Variants in SCAI observed in about 807,000 individuals in gnomAD.
The protein encoded by SCAI is protein SCAI.
SCAI carries 24 observed loss-of-function variants against 92.2 expected under a neutral mutation model. The observed-to-expected ratio is 0.26, with a 90% CI of 0.19 to 0.37. The LOEUF (loss-of-function observed/expected upper bound fraction) is 0.37, where lower values mean the gene tolerates loss of function less well. Among genes scored for constraint, SCAI ranks in the 10% least tolerant of loss-of-function variants. SCAI has a pLI of 1.00. For synonymous variants in SCAI, 261 were observed against 258.6 expected, an observed-to-expected ratio of 1.01 and a Z score of -0.09; for missense variants, 450 against 736.2, an observed-to-expected ratio of 0.61 and a Z score of 4.50.
intron 9 of SCAI, among the ~76,000 whole-genome samples, chr9:125,018,435 TA>T (rs1458426785): frequency 1.3e-5 from 2 of 152,106 alleles, no homozygotes; most frequent in Non-Finnish European, 2.9e-5. Context: ...AAAAATAAAA[TA>T]AAAATCCCCT....
Position 125,040,295 on chromosome 9 carries a change from T to C in SCAI, c.231-10556A>G, listed in dbSNP as rs78701051. 1.9e-4 allele frequency among the ~76,000 whole-genome samples: 29 copies of C among 152,274 alleles called. No individual in the cohort carries two copies. The East Asian group carries it at 5.6e-3, about 29-fold the overall frequency. On this transcript the variant is annotated intron_variant, in intron 3 of 17. Coordinates refer to ENST00000336505, the MANE Select transcript of SCAI (RefSeq NM_001144877.3). ...TTGCTTGAACCCTGGAGGTCAAGGC[T>C]GCATGCAGTAAGCCATAATCGTGCC... is the stretch of plus-strand genomic sequence containing the variant.
rs576354714 is a variant in SCAI at position 125,026,178 on chromosome 9, C to T, written c.512+634G>A. The stretch of plus-strand genomic sequence containing the variant: ...TTGAGGTCAAGAGTTGAAGACCAGC[C>T]TGGCCAACATGATGAAACCCCATCT... On this transcript the variant is annotated intron_variant, in intron 6 of 17. Coordinates refer to ENST00000336505, the MANE Select transcript of SCAI (RefSeq NM_001144877.3). Among the ~76,000 whole-genome samples, 103 of 152,258 alleles carry T rather than the reference C, an allele frequency of 6.8e-4. 1 individual carries two copies. The highest frequency in any genetic ancestry group is 2.2e-3 in the African/African-American group (93 of 41,562).
At chr9:125,133,700 C>G (rs1448698071) in intron 2 of SCAI, among the ~76,000 whole-genome samples, 1 of 152,006 alleles carries the variant, frequency 6.6e-6, no homozygotes, top group Non-Finnish European at 1.5e-5. Context: ...ATATGTACAG[C>G]TCACTGTATG....
At chr9:125,048,734 T>G (rs1032060209) in intron 3 of SCAI, among the ~76,000 whole-genome samples, 1 of 151,704 alleles carries the variant, frequency 6.6e-6, no homozygotes, top group Non-Finnish European at 1.5e-5. Context: ...ATTTATTTAT[T>G]TATTTAATTT....
intron 2 of SCAI, among the ~76,000 whole-genome samples, chr9:125,109,218 TGCGGAAG>T (rs1564417232): frequency 6.6e-6 from 1 of 152,180 alleles, no homozygotes; most frequent in Non-Finnish European, 1.5e-5. Context: ...ACACAAACAC[TGCGGAAG>T]GCCGCAGGGT....
intron 15 of SCAI, among the ~76,000 whole-genome samples, chr9:124,972,095 C>A (rs1297697419): frequency 6.6e-6 from 1 of 152,106 alleles, no homozygotes; most frequent in African/African-American, 2.4e-5. Context: ...TTTTTGCTCT[C>A]AATTAACAAA....
At chr9:125,027,189 C>T (rs1224279792) in intron 5 of SCAI, among the ~76,000 whole-genome samples, 3 of 152,128 alleles carry the variant, frequency 2.0e-5, no homozygotes, top group African/African-American at 7.2e-5. Flanking sequence ...ACTCTCCAAA[C>T]AGCATTCCAT....
chr9:124,991,702 T>A (rs1832127177), intron 14 of SCAI, among the ~76,000 whole-genome samples: 1 of 151,868 alleles, frequency 6.6e-6, no homozygotes. Flanking sequence ...CCAGGTGTGG[T>A]GGCGTGTGCC....
At chr9:124,959,222 T>C (rs1430397431) in intron 17 of SCAI, among the ~76,000 whole-genome samples, 1 of 148,706 alleles carries the variant, frequency 6.7e-6, no homozygotes. Context: ...CAAACCTGCA[T>C]GTTGTGCACA....
intron 2 of SCAI, among the ~76,000 whole-genome samples, chr9:125,127,945 T>C (rs1335863203): frequency 1.3e-5 from 2 of 151,018 alleles, no homozygotes; most frequent in African/African-American, 4.9e-5. Context: ...GAGGTGGAAG[T>C]CTCAGTGAGC....
chr9:124,954,080 T>G (rs1472775129), intron 17 of SCAI, among the ~76,000 whole-genome samples: 2 of 151,658 alleles, frequency 1.3e-5, no homozygotes, highest in African/African-American at 4.8e-5. Context: ...GCTCAACCAA[T>G]CTACACGCCT....
intron 2 of SCAI, among the ~76,000 whole-genome samples, chr9:125,072,065 C>T (rs1833988877): frequency 2.0e-5 from 3 of 150,612 alleles, no homozygotes; most frequent in African/African-American, 4.9e-5. Context: ...TGCTCTGTCA[C>T]CAGGCTGGAG....
At chr9:125,097,040 A>G (rs1293782802) in intron 2 of SCAI, among the ~76,000 whole-genome samples, 1 of 152,060 alleles carries the variant, frequency 6.6e-6, no homozygotes, top group Non-Finnish European at 1.5e-5. Flanking sequence ...TCTTTGATTC[A>G]CTCCTATCAT....
At chr9:125,110,517 A>G (rs1057003304) in intron 2 of SCAI, among the ~76,000 whole-genome samples, 3 of 152,092 alleles carry the variant, frequency 2.0e-5, no homozygotes, top group African/African-American at 4.8e-5. Context: ...GCAATCCCCA[A>G]TGTTGGAGGT....
chr9:124,979,250 T>C (rs2131598044), intron 14 of SCAI, among the ~76,000 whole-genome samples: 1 of 152,050 alleles, frequency 6.6e-6, no homozygotes, highest in Middle Eastern at 3.4e-3. Context: ...CTAAAGACTA[T>C]TTCTTGGCTG....
intron 9 of SCAI, among the ~76,000 whole-genome samples, chr9:125,010,348 G>A (rs188885788): frequency 1.5e-4 from 23 of 152,302 alleles, no homozygotes; most frequent in Middle Eastern, 6.8e-3. Context: ...CTTTTCCGAC[G>A]GGCTTAAAAA....
Position 125,142,305 on chromosome 9 carries a change from G to A in SCAI, c.98+328C>T, listed in dbSNP as rs1040657214. 2.0e-4 allele frequency: 40 copies of A among 198,492 alleles called. 1 individual carries two copies. Among genetic ancestry groups the A allele is most frequent in the Non-Finnish European group, 3.3e-4 (32 of 96,778 alleles). 12.3% of individuals were successfully genotyped at this position (198,492 alleles called of 1,614,324 possible). A position where few individuals can be genotyped will look rare whatever the true frequency, so the allele number is the denominator to read the frequency against. ...GCATGAGCCACCCCAGCCAAGATGA[G>A]CTTTTTAAACAGAGATGCTGGAGAA... On this transcript the variant is annotated intron_variant, in intron 2 of 17. Coordinates refer to ENST00000336505, the MANE Select transcript of SCAI (RefSeq NM_001144877.3).
rs1835025739 is a variant in SCAI at position 125,115,459 on chromosome 9, T to C, written c.98+27174A>G. 3.3e-5 allele frequency among the ~76,000 whole-genome samples: 5 copies of C among 151,946 alleles called. No individual in the cohort carries two copies. In the South Asian group the frequency reaches 1.0e-3, roughly 32 times the overall value. On this transcript the variant is annotated intron_variant, in intron 2 of 17. Coordinates refer to ENST00000336505, the MANE Select transcript of SCAI (RefSeq NM_001144877.3). ...GTTTGTAGTTGCACTGCTTGTTATT[T>C]AGACACAAACCAACTGCCCACAGAT...
chr9:124,953,192 G>A (rs1269360495), intron 17 of SCAI, among the ~76,000 whole-genome samples: 4 of 152,092 alleles, frequency 2.6e-5, no homozygotes, highest in African/African-American at 9.7e-5. Context: ...AATGTTTACT[G>A]AGGCCTATTG....
Sources: gnomAD v4.1 joint callset for allele counts (sites outside exome capture counted in the v4.1 genomes callset) on GRCh38, gnomAD v4.1.1 for gene constraint, MANE v1.5 for transcripts, NCBI Gene and HGNC (gene_info 2026-07-23, HGNC 2026-07-21) for gene names.